Variants in PTPRA observed in about 807,000 individuals in gnomAD.
PTPRA encodes the protein protein tyrosine phosphatase receptor type A, also known as receptor-type tyrosine-protein phosphatase alpha.
PTPRA carries 25 observed loss-of-function variants against 104.8 expected under a neutral mutation model. That is an observed-to-expected ratio of 0.24 (90% CI 0.17 to 0.33). PTPRA has a LOEUF of 0.33. Among genes scored for constraint, PTPRA ranks in the 10% least tolerant of loss-of-function variants. PTPRA has a pLI of 1.00. For missense variants in PTPRA, 765 were observed against 1,015.3 expected, an observed-to-expected ratio of 0.75 and a Z score of 3.35; for synonymous variants, 323 against 368.9, an observed-to-expected ratio of 0.88 and a Z score of 1.43.
chr20:2,865,124 A>G, the PTPRA span: 3 of 1,614,038 alleles, frequency 1.9e-6, no homozygotes, highest in Non-Finnish European at 2.5e-6. The surrounding 1 kb of genome is among the most constrained non-coding windows in gnomAD (Gnocchi z 5.2). Flanking sequence ...CATCCCCATC[A>G]TGCCTCATTA....
intron 3 of PTPRA, among the ~76,000 whole-genome samples, chr20:2,949,691 T>G (rs117946273): frequency 1.3e-5 from 2 of 151,926 alleles, no homozygotes; most frequent in African/African-American, 2.4e-5. Context: ...ATGCTTTCCG[T>G]TTCTCTCTGT....
chr20:3,012,971 T>G (rs2064246831), intron 11 of PTPRA, among the ~76,000 whole-genome samples: 1 of 152,198 alleles, frequency 6.6e-6, no homozygotes, highest in Admixed American at 6.5e-5. Flanking sequence ...ACCCAGAGTT[T>G]ACAATTCAGT....
chr20:2,912,680 C>T (rs774496756), intron 1 of PTPRA, among the ~76,000 whole-genome samples: 20 of 151,994 alleles, frequency 1.3e-4, no homozygotes, highest in Non-Finnish European at 2.1e-4. Flanking sequence ...TTTAATTTTT[C>T]GTGACCAAAC....
intron 1 of PTPRA, among the ~76,000 whole-genome samples, chr20:2,910,402 T>C (rs2059653861): frequency 1.5e-5 from 1 of 65,458 alleles, no homozygotes; most frequent in East Asian, 4.5e-4. Flanking sequence ...ATATATAATA[T>C]ATTTTGTATA....
intron 6 of PTPRA, among the ~76,000 whole-genome samples, chr20:2,985,968 G>A (rs1471901445): frequency 6.6e-6 from 1 of 151,946 alleles, no homozygotes; most frequent in Non-Finnish European, 1.5e-5. Flanking sequence ...GGAGTGTAGT[G>A]TACAGGCCCG....
intron 1 of PTPRA, among the ~76,000 whole-genome samples, chr20:2,920,655 T>C (rs2060065305): frequency 6.6e-6 from 1 of 151,936 alleles, no homozygotes; most frequent in African/African-American, 2.4e-5. Context: ...ATCCTGTAAT[T>C]TGAGATCATT....
chr20:2,919,303 G>GT (rs1177569129), intron 1 of PTPRA, among the ~76,000 whole-genome samples: 1 of 152,144 alleles, frequency 6.6e-6, no homozygotes, highest in Admixed American at 6.6e-5. Context: ...AATTTGCTGG[G>GT]TTTTTTCCTC....
intron 3 of PTPRA, among the ~76,000 whole-genome samples, chr20:2,958,722 C>G (rs1177685749): frequency 1.3e-5 from 2 of 149,684 alleles, no homozygotes; most frequent in African/African-American, 4.9e-5. Context: ...TGGCACGCGC[C>G]TGTAATCCCA....
At chr20:2,989,829 A>G (rs887583750) in intron 9 of PTPRA, among the ~76,000 whole-genome samples, 7 of 152,212 alleles carry the variant, frequency 4.6e-5, no homozygotes, top group East Asian at 3.9e-4. Context: ...CATCCTGGCT[A>G]ACACAGTGAA....
chr20:2,990,530 G>A (rs1340546147), intron 9 of PTPRA, among the ~76,000 whole-genome samples: 1 of 152,030 alleles, frequency 6.6e-6, no homozygotes, highest in Admixed American at 6.5e-5. Flanking sequence ...ACCAGCCTGA[G>A]CAACATGGTG....
intron 1 of PTPRA, among the ~76,000 whole-genome samples, chr20:2,881,550 CTG>C (rs2090051831): frequency 6.6e-6 from 1 of 152,174 alleles, no homozygotes; most frequent in African/African-American, 2.4e-5. Context: ...GGGTCTCACT[CTG>C]TTGCCCAGGC....
chr20:2,882,670 TTGTAC>T (rs2090126435), intron 1 of PTPRA, among the ~76,000 whole-genome samples: 1 of 152,164 alleles, frequency 6.6e-6, no homozygotes, highest in African/African-American at 2.4e-5. Flanking sequence ...TGGAAGAAAG[TTGTAC>T]TGGAGAAGAC....
chr20:3,013,705 C>T (rs1251969758), intron 11 of PTPRA, among the ~76,000 whole-genome samples: 6 of 152,104 alleles, frequency 3.9e-5, no homozygotes, highest in African/African-American at 1.4e-4. Context: ...GCCACCGCGC[C>T]CAGCCTAGAA....
chr20:2,934,049 A>G (rs946439663), intron 2 of PTPRA, among the ~76,000 whole-genome samples: 2 of 152,176 alleles, frequency 1.3e-5, no homozygotes, highest in African/African-American at 2.4e-5. Context: ...ATTGCATGAA[A>G]TAGAGACCTA....
In PTPRA at chr20:3,035,531, G is replaced by C; in HGVS notation, c.1921-54G>C. 1.9e-6 allele frequency: 3 copies of C among 1,555,192 alleles called. No homozygotes were observed. The highest frequency in any genetic ancestry group is 2.3e-5 in the South Asian group (2 of 88,478). ...GGTCAGGCTGCTCGTGGGCAGTGCT[G>C]CTTCTACACATGTGGTACTCTGAGC... On this transcript the variant is annotated intron_variant, in intron 20 of 23. Transcript: ENST00000399903. The surrounding 1 kb of genome is among the most constrained non-coding windows in gnomAD (Gnocchi z 5.8).
intron 6 of PTPRA, among the ~76,000 whole-genome samples, chr20:2,979,698 GTGTT>G (rs57293794): frequency 7.9e-5 from 12 of 151,370 alleles, no homozygotes; most frequent in African/African-American, 2.4e-4. Flanking sequence ...AGCTAATCAG[GTGTT>G]TGTTTGTTTG....
rs944984979 is a variant in PTPRA at position 2,950,453 on chromosome 20, A to G, written c.-7+2429A>G. On this transcript the variant is annotated intron_variant, in intron 3 of 23. Transcript: ENST00000399903. This position sits in a 1 kb window ranked among gnomAD's most constrained non-coding sequence, Gnocchi z 4.0. ...AGAGATCGAGACCATCCTGGCCATCATGGTGAAACCCCGTCTCTACTAAAA... is the reference window on the plus strand; with the variant it reads ...AGAGATCGAGACCATCCTGGCCATCGTGGTGAAACCCCGTCTCTACTAAAA... 2.4e-4 allele frequency among the ~76,000 whole-genome samples: 37 copies of G among 151,780 alleles called. No individual in the cohort carries two copies. Among genetic ancestry groups the G allele is most frequent in the Admixed American group, 5.3e-4 (8 of 15,206 alleles).
chr20:2,910,059 A>G (rs2059609035), intron 1 of PTPRA, among the ~76,000 whole-genome samples: 1 of 112,716 alleles, frequency 8.9e-6, no homozygotes, highest in Non-Finnish European at 1.6e-5. Context: ...ATATCATATC[A>G]TATATAATAT....
chr20:3,015,914 G>T (rs773801948), intron 12 of PTPRA, 29 bp downstream of exon 12: 12 of 1,538,908 alleles, frequency 7.8e-6, no homozygotes, highest in Non-Finnish European at 1.1e-5. Context: ...TTTTCTGTTA[G>T]ATTTAACCAT....
Sources: gnomAD v4.1 joint callset for allele counts (sites outside exome capture counted in the v4.1 genomes callset) on GRCh38, gnomAD v4.1.1 for gene constraint, Gnocchi (gnomAD v3.1) non-coding constraint, MANE v1.5 for transcripts, NCBI Gene and HGNC (gene_info 2026-07-23, HGNC 2026-07-21) for gene names.